Variants in ZFHX3 observed in about 807,000 individuals in gnomAD.
ZFHX3 encodes zinc finger homeobox 3.
In ZFHX3, 42 loss-of-function variants were observed where a neutral mutation model predicts 279.1. The observed-to-expected ratio is 0.15, with a 90% CI of 0.12 to 0.19. ZFHX3 has a LOEUF of 0.19. Ranked by LOEUF, ZFHX3 falls within the 10% of genes least tolerant of loss-of-function variation. The pLI, the probability that ZFHX3 is intolerant of heterozygous loss-of-function variation, is 1.00. For synonymous variants in ZFHX3, 2,293 were observed against 1,957.8 expected, an observed-to-expected ratio of 1.17 and a Z score of -4.52; for missense variants, 4,981 against 4,754.0, an observed-to-expected ratio of 1.05 and a Z score of -1.40.
chr16:73,366,946 G>A (rs1217438322), intron 3 of ZFHX3, among the ~76,000 whole-genome samples: 2 of 152,140 alleles, frequency 1.3e-5, no homozygotes, highest in South Asian at 2.1e-4. Context: ...CCAACATTCT[G>A]AGGACCCACA....
chr16:73,067,267 G>C (rs1965766847), intron 8 of ZFHX3, among the ~76,000 whole-genome samples: 1 of 152,228 alleles, frequency 6.6e-6, no homozygotes, highest in African/African-American at 2.4e-5. Flanking sequence ...GCAGCAGGAA[G>C]AATTGCTCAT....
At position 72,829,948 on chromosome 16, in the gene ZFHX3, G is replaced by A. The variant is rs1379515096; in HGVS notation, c.3449-89C>T. 8.9e-6 allele frequency: 12 copies of A among 1,342,076 alleles called. No homozygotes were observed. In the Admixed American group the frequency reaches 1.4e-4, roughly 16 times the overall value. The allele number at this position is 1,342,076 out of a possible 1,614,324, so 83.1% of individuals were successfully genotyped here. A position where few individuals can be genotyped will look rare whatever the true frequency, so the allele number is the denominator to read the frequency against. On this transcript the variant is annotated intron_variant, in intron 4 of 9. Transcript: ENST00000268489. ...CTGTTGCAAACAACTGCCAACGACA[G>A]AACAGACACCAATGACTCGTCCCCC...
chr16:73,473,347 A>AC (rs1402519575), intron 2 of ZFHX3, among the ~76,000 whole-genome samples: 1 of 52,208 alleles, frequency 1.9e-5, no homozygotes, highest in South Asian at 6.2e-4. Flanking sequence ...AGCAAAAAAA[A>AC]AAAAAAAAAA....
At chr16:73,734,678 T>C (rs1200565824) in intron 1 of ZFHX3, among the ~76,000 whole-genome samples, 1 of 152,132 alleles carries the variant, frequency 6.6e-6, no homozygotes, top group Non-Finnish European at 1.5e-5. Flanking sequence ...ATTAAATGTG[T>C]CCACAATTTC....
intron 2 of ZFHX3, among the ~76,000 whole-genome samples, chr16:73,587,773 T>A (rs892105458): frequency 3.3e-5 from 5 of 152,198 alleles, no homozygotes; most frequent in Non-Finnish European, 5.9e-5. Flanking sequence ...ATGAAATATA[T>A]CATGTAATAG....
chr16:72,918,598 G>A (rs753555660), intron 3 of ZFHX3, among the ~76,000 whole-genome samples: 2 of 152,076 alleles, frequency 1.3e-5, no homozygotes, highest in African/African-American at 4.8e-5. Flanking sequence ...CAACATAAAG[G>A]ATGGGCTTTA....
chr16:73,457,743 C>A (rs1339441411), intron 2 of ZFHX3, among the ~76,000 whole-genome samples: 1 of 152,154 alleles, frequency 6.6e-6, no homozygotes, highest in Non-Finnish European at 1.5e-5. Context: ...CCACTGCACT[C>A]CGGCCTGGGC....
intron 7 of ZFHX3, among the ~76,000 whole-genome samples, chr16:73,119,918 A>G (rs1256517455): frequency 6.6e-6 from 1 of 152,168 alleles, no homozygotes; most frequent in Non-Finnish European, 1.5e-5. Flanking sequence ...AACAAACAAA[A>G]AAACCTTTGT....
rs1240516127 is a variant in ZFHX3, at chr16:73,045,787, CA to C, written c.-50+1964del. The stretch of plus-strand genomic sequence containing the variant: ...TATTTCATAGAAAGTACAGCCATTT[CA>C]AAAAAAAAAAAAAAAGTGGGGGGGG... On this transcript the variant is annotated intron_variant, in intron 1 of 9. Transcript: ENST00000268489. Among the ~76,000 whole-genome samples, 220 of 42,848 alleles carry C rather than the reference CA, an allele frequency of 5.1e-3. 7 individuals are homozygous for C. Among genetic ancestry groups the C allele is most frequent in the Middle Eastern group, 0.016 (1 of 62 alleles). 28.1% of individuals were successfully genotyped at this position (42,848 alleles called of 152,430 possible). A position where few individuals can be genotyped will look rare whatever the true frequency, so the allele number is the denominator to read the frequency against.
At chr16:72,821,268 C>G (rs1029538816) in intron 5 of ZFHX3, among the ~76,000 whole-genome samples, 1 of 152,180 alleles carries the variant, frequency 6.6e-6, no homozygotes, top group African/African-American at 2.4e-5. Context: ...AGACATTACT[C>G]AGGTCCCTGC....
chr16:73,871,418 C>A (rs1962159694), intron 1 of ZFHX3, among the ~76,000 whole-genome samples: 1 of 151,934 alleles, frequency 6.6e-6, no homozygotes, highest in South Asian at 2.1e-4. Context: ...TTCTATTAAC[C>A]CAACGTGATT....
intron 2 of ZFHX3, among the ~76,000 whole-genome samples, chr16:73,650,641 C>A (rs561884929): frequency 6.6e-6 from 1 of 152,096 alleles, no homozygotes; most frequent in African/African-American, 2.4e-5. Context: ...TTTTGCCCTT[C>A]GACATTTTTT....
intron 5 of ZFHX3, among the ~76,000 whole-genome samples, chr16:73,214,190 C>A (rs1417987776): frequency 6.6e-6 from 1 of 152,178 alleles, no homozygotes; most frequent in East Asian, 1.9e-4. Context: ...CTTCAACACT[C>A]CAGCTCAAAT....
At chr16:73,378,738 C>T (rs1425109678) in intron 3 of ZFHX3, among the ~76,000 whole-genome samples, 1 of 152,174 alleles carries the variant, frequency 6.6e-6, no homozygotes, top group Non-Finnish European at 1.5e-5. Flanking sequence ...ATTCCTCCCC[C>T]CATGCTTTGG....
At chr16:73,178,887 C>G (rs1270560112) in intron 5 of ZFHX3, among the ~76,000 whole-genome samples, 1 of 152,174 alleles carries the variant, frequency 6.6e-6, no homozygotes, top group African/African-American at 2.4e-5. Context: ...ATCCATGCAC[C>G]TACCCACCCA....
At chr16:73,222,052 C>T (rs1239007356) in intron 5 of ZFHX3, among the ~76,000 whole-genome samples, 1 of 151,782 alleles carries the variant, frequency 6.6e-6, no homozygotes, top group Non-Finnish European at 1.5e-5. Context: ...CTCTTTTTTT[C>T]ACATCTCTGA....
chr16:72,954,193 A>G (rs964612281), intron 2 of ZFHX3, among the ~76,000 whole-genome samples: 1 of 152,144 alleles, frequency 6.6e-6, no homozygotes, highest in African/African-American at 2.4e-5. Flanking sequence ...AATGTGGTGA[A>G]ATCCTGTCTC....
intron 1 of ZFHX3, among the ~76,000 whole-genome samples, chr16:73,802,512 A>G (rs949226005): frequency 1.2e-4 from 18 of 152,200 alleles, no homozygotes; most frequent in Non-Finnish European, 1.9e-4. Flanking sequence ...TGATGATAGG[A>G]CACAAGGTGT....
chr16:72,983,147 A>C (rs1962683040), intron 1 of ZFHX3, among the ~76,000 whole-genome samples: 1 of 152,092 alleles, frequency 6.6e-6, no homozygotes, highest in South Asian at 2.1e-4. Context: ...GAGCCCTTGG[A>C]AGCCCCTGTT....
Sources: allele counts gnomAD v4.1 joint callset (sites outside exome capture counted in the v4.1 genomes callset), GRCh38; gene constraint gnomAD v4.1.1; transcripts MANE v1.5; gene names NCBI Gene and HGNC (gene_info 2026-07-23, HGNC 2026-07-21).